Variants in STIL observed in about 807,000 individuals in gnomAD.
STIL encodes SCL-interrupting locus protein.
In STIL, 55 loss-of-function variants were observed where a neutral mutation model predicts 110.1. The ratio of observed to expected loss-of-function variants is 0.50; its 90% confidence interval spans 0.40 to 0.63. The LOEUF is 0.63. Among genes scored for constraint, STIL ranks in the 20% least tolerant of loss-of-function variants. The probability of loss-of-function intolerance (pLI) is 0.00; values close to 1 mark genes in which losing one functional copy is unlikely to be tolerated. For missense variants in STIL, 1,358 were observed against 1,530.0 expected, an observed-to-expected ratio of 0.89 and a Z score of 1.87; for synonymous variants, 481 against 530.0, an observed-to-expected ratio of 0.91 and a Z score of 1.27.
At chr1:47,308,939 C>G (rs1308791655) in intron 2 of STIL, among the ~76,000 whole-genome samples, 3 of 151,748 alleles carry the variant, frequency 2.0e-5, no homozygotes, top group African/African-American at 7.3e-5. Flanking sequence ...GTAATCCCAG[C>G]TACTCGAGTG....
chr1:47,299,461 C>T (rs1349616698), intron 6 of STIL, among the ~76,000 whole-genome samples: 1 of 148,394 alleles, frequency 6.7e-6, no homozygotes, highest in Non-Finnish European at 1.5e-5. Context: ...GGTGCGATCT[C>T]AGCTCATTGC....
At chr1:47,298,910 TTTTG>T (rs1003160385) in intron 6 of STIL, among the ~76,000 whole-genome samples, 20 of 151,986 alleles carry the variant, frequency 1.3e-4, no homozygotes, top group Admixed American at 3.3e-4. Context: ...TGCCCAGCTT[TTTTG>T]TTTGTTTGTT....
Position 47,280,324 on chromosome 1 carries a change from C to G in STIL, c.2134G>C (p.Asp712His), listed in dbSNP as rs1303716658. 4 of 1,614,224 alleles carry G rather than the reference C, an allele frequency of 2.5e-6. No individual in the cohort carries two copies. Among genetic ancestry groups the G allele is most frequent in the Non-Finnish European group, 2.5e-6 (3 of 1,180,034 alleles). Residue 712 changes from aspartate (D) to histidine (H), a missense_variant, in exon 12 of 17, where the codon GAT becomes CAT. Coordinates refer to ENST00000371877, the MANE Select transcript of STIL (RefSeq NM_001048166.1). The part of the protein sequence containing the change: ...VCMHTPKTES[D>H]NGMMGLSPDA... ...GGAGATAGTCCCATCATTCCATTATCTGACTCAGTCTTGGGTGTGTGCATG... is the reference window on the plus strand; with the variant it reads ...GGAGATAGTCCCATCATTCCATTATGTGACTCAGTCTTGGGTGTGTGCATG...
At chr1:47,300,201 A>G in intron 5 of STIL, 49 bp from the exon 6 acceptor site, 1 of 1,570,170 alleles carries the variant, frequency 6.4e-7, no homozygotes, top group East Asian at 2.4e-5. Context: ...AAATGTGCCC[A>G]TATCGCCAAA....
chr1:47,255,389 C>T (rs1373436929), intron 16 of STIL, among the ~76,000 whole-genome samples: 1 of 151,714 alleles, frequency 6.6e-6, no homozygotes, highest in Non-Finnish European at 1.5e-5. Flanking sequence ...CCCATCTCTA[C>T]AAATAAAAAT....
chr1:47,285,507 GAGTGT>G (rs1446949236), intron 10 of STIL, among the ~76,000 whole-genome samples: 1 of 152,166 alleles, frequency 6.6e-6, no homozygotes, highest in Non-Finnish European at 1.5e-5. Flanking sequence ...ACCCAGGATG[GAGTGT>G]AGTGGCATGA....
chr1:47,253,276 CT>C (rs1254898098), intron 16 of STIL, among the ~76,000 whole-genome samples: 2 of 152,270 alleles, frequency 1.3e-5, no homozygotes. Context: ...CTTTCCCCTA[CT>C]TTTTTGTTTT....
intron 2 of STIL, among the ~76,000 whole-genome samples, chr1:47,306,718 A>T (rs1393737373): frequency 6.6e-6 from 1 of 152,258 alleles, no homozygotes; most frequent in Non-Finnish European, 1.5e-5. Flanking sequence ...GAAGCGTCAA[A>T]AGGACATAAT....
chr1:47,287,513 TA>T (rs774116338), intron 10 of STIL, 37 bp downstream of exon 10: 58 of 1,351,288 alleles, frequency 4.3e-5, no homozygotes, highest in Non-Finnish European at 2.9e-5. Flanking sequence ...ATATAATTTT[TA>T]AAAAAACACA....
At position 47,299,953 on chromosome 1, in the gene STIL, A is replaced by C. The variant is rs1236526270; in HGVS notation, c.653T>G (p.Leu218Trp). ...PIIPTALARN[L>W]SSNLNISQVQ... ...TTGAGAAATATTCAGATTACTGCTC[A>C]AGTTTCTTGCCAGAGCTGTTGGAAT... Residue 218 changes from leucine to tryptophan, a missense_variant, in exon 6 of 17, where the codon TTG (leucine) becomes TGG (tryptophan). Leu to Trp is a moderately conservative substitution (Grantham distance 61). Coordinates refer to ENST00000371877, the MANE Select transcript of STIL (RefSeq NM_001048166.1). 8 of 1,613,972 alleles carry C rather than the reference A, an allele frequency of 5.0e-6. No individual in the cohort carries two copies. The highest frequency in any genetic ancestry group is 6.8e-6 in the Non-Finnish European group (8 of 1,179,986).
At chr1:47,274,651 A>T (rs2011460) in intron 12 of STIL, among the ~76,000 whole-genome samples, 34 of 149,190 alleles carry the variant, frequency 2.3e-4, no homozygotes, top group Admixed American at 8.0e-4. Flanking sequence ...ATTTGGCAGG[A>T]CTTCAGTGTT....
rs150065121 is a variant in STIL, at chr1:47,299,518, G to A, written c.701+387C>T. 3.9e-3 allele frequency among the ~76,000 whole-genome samples: 592 copies of A among 149,966 alleles called. 5 individuals are homozygous for A. Among genetic ancestry groups the A allele is most frequent in the Middle Eastern group, 0.01 (3 of 286 alleles). On this transcript the variant is annotated intron_variant, in intron 6 of 16. Transcript: ENST00000371877. ...AGTGATCCTCCTGCCTCAACCTCCCGAGTAACTGGGACTACAGGCATGCAC... is the reference window on the plus strand; with the variant it reads ...AGTGATCCTCCTGCCTCAACCTCCCAAGTAACTGGGACTACAGGCATGCAC...
Position 47,251,312 on chromosome 1 carries a change from G to A in STIL, c.3691C>T (p.Leu1231Phe), listed in dbSNP as rs1557694505. ...KNLKPSPAVN[L>F]RTGKAEFTQH... ...GTGAACTCTGCTTTCCCGGTTCGAA[G>A]GTTCACTGCAGGACTTGGTTTAAGG... The change falls in exon 17 of 17, where the codon CTT becomes TTT. Residue 1231 changes from leucine to phenylalanine, a missense_variant. Coordinates refer to ENST00000371877, the MANE Select transcript of STIL (RefSeq NM_001048166.1). 3 of 1,613,996 alleles carry A rather than the reference G, an allele frequency of 1.9e-6. No individual in the cohort carries two copies. The highest frequency in any genetic ancestry group is 1.7e-6 in the Non-Finnish European group (2 of 1,179,888).
At position 47,270,253 on chromosome 1, in the gene STIL, TATACAC is replaced by T. The variant is rs1377845034; in HGVS notation, c.2384-393_2384-388del. Among the ~76,000 whole-genome samples the T allele has an allele frequency of 2.5e-5, 3 of 118,230 alleles. No individual in the cohort carries two copies. The East Asian group carries it at 7.7e-4, about 30-fold the overall frequency. The allele number at this position is 118,230 out of a possible 152,430, so 77.6% of individuals were successfully genotyped here. ...AAAAAAAAAAAAAAATATATATATA[TATACAC>T]ACACACACACACACACACACACACA... On this transcript the variant is annotated intron_variant, in intron 13 of 16. Transcript: ENST00000371877.
rs768482459 is a variant in STIL at position 47,272,190 on chromosome 1, T to C, written c.2269A>G (p.Thr757Ala). ...QSLMPCSPKTTAVEDTVQAGR... is the reference protein window; with the variant it reads ...QSLMPCSPKTAAVEDTVQAGR... Reference sequence around the variant, plus strand: ...GCTTGCACTGTGTCTTCAACAGCAGTTGTCTTAGGGGAACAGGGCATCAGA... The same window carrying C: ...GCTTGCACTGTGTCTTCAACAGCAGCTGTCTTAGGGGAACAGGGCATCAGA... The change falls in exon 13 of 17, where the codon ACT (threonine) becomes GCT (alanine). Residue 757 changes from threonine to alanine, a missense_variant. Coordinates refer to ENST00000371877, the MANE Select transcript of STIL (RefSeq NM_001048166.1). 3 of 1,614,170 alleles carry C rather than the reference T, an allele frequency of 1.9e-6. No individual in the cohort carries two copies. Among genetic ancestry groups the C allele is most frequent in the Non-Finnish European group, 2.5e-6 (3 of 1,180,002 alleles).
At chr1:47,310,164 T>C (rs1199197304) in intron 2 of STIL, 112 bp downstream of exon 2, 1 of 1,042,616 alleles carries the variant, frequency 9.6e-7, no homozygotes, top group African/African-American at 1.6e-5. Flanking sequence ...AGCTAGGATA[T>C]GAACCCAGAA....
chr1:47,294,198 T>C (rs1417331131), intron 7 of STIL, among the ~76,000 whole-genome samples: 2 of 152,204 alleles, frequency 1.3e-5, no homozygotes, highest in Non-Finnish European at 2.9e-5. Context: ...CTCAAGTTTG[T>C]CTTCTCTAGG....
chr1:47,289,524 C>G lies in STIL; in HGVS notation c.934G>C (p.Glu312Gln). ...TCACAAGGGAAGCATTCATAAAACT[C>G]AGGTTCCTTATGTGTCATAGAATAG... is the stretch of plus-strand genomic sequence containing the variant. ...VLYSMTHKEP[E>Q]FYECFPCDGK... is the part of the protein sequence containing the mutation. The change falls in exon 9 of 17, where the codon GAG becomes CAG. Residue 312 changes from glutamate to glutamine, a missense_variant. Physicochemically the swap from Glu to Gln is conservative, Grantham distance 29 (BLOSUM62 2). Transcript: ENST00000371877. 2 of 1,613,880 alleles carry G rather than the reference C, an allele frequency of 1.2e-6. No individual in the cohort carries two copies. The highest frequency in any genetic ancestry group is 1.7e-6 in the Non-Finnish European group (2 of 1,179,834).
intron 16 of STIL, among the ~76,000 whole-genome samples, chr1:47,259,505 G>A (rs1644424757): frequency 6.6e-6 from 1 of 151,366 alleles, no homozygotes; most frequent in Non-Finnish European, 1.5e-5. Context: ...TGGCCAGGCT[G>A]GTCTCGAACT....
Sources: allele counts gnomAD v4.1 joint callset (sites outside exome capture counted in the v4.1 genomes callset), GRCh38; gene constraint gnomAD v4.1.1; transcripts MANE v1.5; gene names NCBI Gene and HGNC (gene_info 2026-07-23, HGNC 2026-07-21).